INO80E: variants seen among roughly 807,000 people sequenced by gnomAD.
INO80E encodes INO80 complex subunit E.
Under a neutral mutation model 27.3 loss-of-function variants are expected in INO80E, and 20 were observed. The observed-to-expected ratio is 0.73, with a 90% CI of 0.51 to 1.06. The LOEUF (loss-of-function observed/expected upper bound fraction) is 1.06, where lower values mean the gene tolerates loss of function less well. Ranked by LOEUF, INO80E falls within the 50% of genes least tolerant of loss-of-function variation. The pLI is 0.00. For missense variants in INO80E, 357 were observed against 322.8 expected (o/e 1.11, Z -0.81); for synonymous variants, 167 against 145.9 (o/e 1.14, Z -1.04).
In INO80E at chr16:30,000,912, C is replaced by T; in HGVS notation, c.285-17C>T. On this transcript the variant is annotated splice_polypyrimidine_tract_variant and intron_variant, in intron 4 of 6. Coordinates refer to ENST00000563197, the MANE Select transcript of INO80E (RefSeq NM_173618.3). ...GGGCTCCTAGCCACATCTGACCTCGCCCTGTCCTTTCTCCAGGAAGAGAAG... is the reference window on the plus strand; with the variant it reads ...GGGCTCCTAGCCACATCTGACCTCGTCCTGTCCTTTCTCCAGGAAGAGAAG... 1 of 1,607,548 alleles carries T rather than the reference C, an allele frequency of 6.2e-7. No homozygotes were observed. Among genetic ancestry groups the T allele is most frequent in the Non-Finnish European group, 8.5e-7 (1 of 1,174,910 alleles).
chr16:29,996,723 G>A (rs1310561469), intron 2 of INO80E, 85 bp from the exon 3 acceptor site: 1 of 1,592,016 alleles, frequency 6.3e-7, no homozygotes, highest in Non-Finnish European at 8.6e-7. Flanking sequence ...TCAAGTATCC[G>A]ATGGGCCAGC....
rs1168188034 is a variant in INO80E, at chr16:29,996,855, C to T, written c.200C>T (p.Ser67Phe). The change falls in exon 3 of 7, where the codon TCT (serine) becomes TTT (phenylalanine). Residue 67 changes from serine to phenylalanine, a missense_variant. Physicochemically the swap from Ser to Phe is radical, Grantham distance 155 (BLOSUM62 -2). Transcript: ENST00000563197. ...CAGTACGAGAACGTGGATGAAGACT[C>T]TTCGGGTGAGCAAGGTCTTCAAAAA... ...LLQYENVDEDSSDSDATASSD... is the reference protein window; with the variant it reads ...LLQYENVDEDFSDSDATASSD... The T allele has an allele frequency of 6.2e-7, 1 of 1,614,126 alleles. No individual in the cohort carries two copies. The highest frequency in any genetic ancestry group is 8.5e-7 in the Non-Finnish European group (1 of 1,179,956).
At position 30,003,132 on chromosome 16, in the gene INO80E, G is replaced by A. The variant is rs1183209841; in HGVS notation, c.513+1602G>A. 10 of 152,498 alleles carry A rather than the reference G, an allele frequency of 6.6e-5. No homozygotes were observed. The highest frequency in any genetic ancestry group is 6.5e-4 in the Admixed American group (10 of 15,280). The allele number at this position is 152,498 out of a possible 1,614,324, so 9.4% of individuals were successfully genotyped here. On this transcript the variant is annotated intron_variant, in intron 6 of 6. Transcript: ENST00000563197. The surrounding 1 kb of genome is among the most constrained non-coding windows in gnomAD (Gnocchi z 4.4). ...GTGCTGAGTCCTGAAGCAGAGTCATGTCCGGGAGCAAAGTTGTAGACATTC... is the reference window on the plus strand; with the variant it reads ...GTGCTGAGTCCTGAAGCAGAGTCATATCCGGGAGCAAAGTTGTAGACATTC...
chr16:30,005,309 C>CT lies in INO80E; in HGVS notation c.602_603insT (p.Leu203ProfsTer5). On this transcript the variant is annotated frameshift_variant, in exon 7 of 7. Coordinates refer to ENST00000563197, the MANE Select transcript of INO80E (RefSeq NM_173618.3). LOFTEE classifies it high-confidence loss of function. ...GGGGCTGGGGTCGGGACAACCCTGA[C>CT]CCCCCTCCCACCCCCTAAGATGCCC... The CT allele has an allele frequency of 1.9e-6, 1 of 529,328 alleles. No individual in the cohort carries two copies. Among genetic ancestry groups the CT allele is most frequent in the Non-Finnish European group, 2.9e-6 (1 of 339,838 alleles). The allele number at this position is 529,328 out of a possible 1,614,324, so 32.8% of individuals were successfully genotyped here.
chr16:30,005,314 C>CCCCCCCCCCCCCCACCA lies in INO80E; in HGVS notation c.607_608insCCCCCCCCCCCCCACCA (p.Leu203ProfsTer18). 7.7e-7 allele frequency: 1 copy of CCCCCCCCCCCCCCACCA among 1,293,400 alleles called. No homozygotes were observed. The highest frequency in any genetic ancestry group is 1.6e-5 in the South Asian group (1 of 60,816). 80.1% of individuals were successfully genotyped at this position (1,293,400 alleles called of 1,614,324 possible). On this transcript the variant is annotated frameshift_variant, in exon 7 of 7. Transcript: ENST00000563197. LOFTEE classifies it high-confidence loss of function. The stretch of plus-strand genomic sequence containing the variant: ...TGGGGTCGGGACAACCCTGACCCCC[C>CCCCCCCCCCCCCCACCA]TCCCACCCCCTAAGATGCCCCCCCC...
Position 30,005,295 on chromosome 16 carries a change from C to T in INO80E, c.588C>T (p.Val196=), listed in dbSNP as rs759357817. ...CTGGCCGGGGTTCTGGGGCTGGGGT[C>T]GGGACAACCCTGACCCCCCTCCCAC... ...TFPGRGSGAG[V]GTTLTPLPPP... Residue 196 remains valine (V), a synonymous_variant, in exon 7 of 7, where the codon GTC becomes GTT. Transcript: ENST00000563197. 58 of 1,486,612 alleles carry T rather than the reference C, an allele frequency of 3.9e-5. No homozygotes were observed. The highest frequency in any genetic ancestry group is 1.0e-4 in the African/African-American group (7 of 68,936). 92.1% of individuals were successfully genotyped at this position (1,486,612 alleles called of 1,614,324 possible). A position where few individuals can be genotyped will look rare whatever the true frequency, so the allele number is the denominator to read the frequency against.
intron 6 of INO80E, chr16:30,001,774 T>A: frequency 2.1e-6 from 1 of 477,296 alleles, no homozygotes; most frequent in Non-Finnish European, 3.7e-6. Flanking sequence ...CTTTCATGGC[T>A]GCAGTGTAGC....
At chr16:30,002,633 CTG>C (rs1426967501) in intron 6 of INO80E, 1 of 152,296 alleles carries the variant, frequency 6.6e-6, no homozygotes, top group Non-Finnish European at 1.5e-5. Context: ...GGGCTTTAGT[CTG>C]AGCACGAGTG....
Position 30,001,422 on chromosome 16 carries a change from C to A in INO80E, c.405C>A (p.Ser135=), listed in dbSNP as rs114622257. 2.1e-4 allele frequency: 340 copies of A among 1,599,470 alleles called. 1 individual carries two copies. In the African/African-American group the frequency reaches 4.3e-3, roughly 20 times the overall value. Residue 135 remains serine, a synonymous_variant, in exon 6 of 7, where the codon TCC becomes TCA. Transcript: ENST00000563197. ...VPSPYLSSLA[S]SRYPPFPSDY... is the part of the protein sequence containing the mutation. ...CCCGCTCCCGCCCGCAGCTGGCCTC[C>A]TCCCGCTACCCCCCATTCCCTTCTG... is the stretch of plus-strand genomic sequence containing the variant.
At chr16:29,996,427 G>T (rs1466216414) in intron 1 of INO80E, 36 bp downstream of exon 1, 1 of 1,562,526 alleles carries the variant, frequency 6.4e-7, no homozygotes, top group Non-Finnish European at 8.7e-7. Context: ...GGGGGATGAG[G>T]CCTGGCGCGG....
chr16:29,997,902 A>T (rs1456654307), intron 3 of INO80E, among the ~76,000 whole-genome samples: 2 of 152,064 alleles, frequency 1.3e-5, no homozygotes, highest in African/African-American at 4.8e-5. Context: ...CCTGGGCAAC[A>T]TAGTGAGACC....
At chr16:29,999,604 T>G (rs1333951312) in intron 3 of INO80E, 1 of 152,238 alleles carries the variant, frequency 6.6e-6, no homozygotes, top group African/African-American at 2.4e-5. Context: ...ACGGCTTCTA[T>G]AGGTGTAGCA....
chr16:29,999,660 A>G (rs549914092), intron 3 of INO80E: 2 of 152,372 alleles, frequency 1.3e-5, no homozygotes, highest in Non-Finnish European at 2.9e-5. Context: ...GAGGCACTGA[A>G]CTAGGAAATA....
At position 30,000,751 on chromosome 16, in the gene INO80E, A is replaced by G. The variant is rs1319774169; in HGVS notation, c.206-7A>G. 3 of 1,613,732 alleles carry G rather than the reference A, an allele frequency of 1.9e-6. No individual in the cohort carries two copies. Among genetic ancestry groups the G allele is most frequent in the Non-Finnish European group, 2.5e-6 (3 of 1,179,640 alleles). The stretch of plus-strand genomic sequence containing the variant: ...CCATCCCCACTGACCAGCTGTCCCC[A>G]TCACAGACTCAGATGCCACTGCATC... On this transcript the variant is annotated splice_region_variant and splice_polypyrimidine_tract_variant and intron_variant, in intron 3 of 6. Coordinates refer to ENST00000563197, the MANE Select transcript of INO80E (RefSeq NM_173618.3).
intron 3 of INO80E, among the ~76,000 whole-genome samples, chr16:29,997,720 A>T (rs574787884): frequency 6.6e-6 from 1 of 150,602 alleles, no homozygotes; most frequent in Non-Finnish European, 1.5e-5. Context: ...CTGCCACTGC[A>T]TTCCAGCCTG....
rs1209834703 is a variant in INO80E, at chr16:29,996,247, G to T, written c.-64G>T. On this transcript the variant is annotated 5_prime_UTR_variant, in exon 1 of 7. Coordinates refer to ENST00000563197, the MANE Select transcript of INO80E (RefSeq NM_173618.3). ...CGTCTCCGGAAGTGGAGGCGGGAGC[G>T]GCACGGCAGCCACTGCTTGGGGTAG... 3.4e-6 allele frequency: 5 copies of T among 1,471,392 alleles called. No homozygotes were observed. Among genetic ancestry groups the T allele is most frequent in the Non-Finnish European group, 4.6e-6 (5 of 1,076,282 alleles). 91.1% of individuals were successfully genotyped at this position (1,471,392 alleles called of 1,614,324 possible).
At position 30,005,499 on chromosome 16, in the gene INO80E, A is replaced by C. The variant is rs143249661; in HGVS notation, c.*57A>C. On this transcript the variant is annotated 3_prime_UTR_variant, in exon 7 of 7. Transcript: ENST00000563197. The stretch of plus-strand genomic sequence containing the variant: ...CGCCCGGCGCCCTCCCCGTGCCAGC[A>C]CACACGAGTCCAGCTTCCTCGGAGG... The C allele has an allele frequency of 0.018, 26,237 of 1,480,468 alleles. 275 individuals are homozygous for C. The highest frequency in any genetic ancestry group is 0.021 in the Non-Finnish European group (23,005 of 1,084,710). The allele number at this position is 1,480,468 out of a possible 1,614,324, so 91.7% of individuals were successfully genotyped here.
chr16:30,000,716 T>C lies in INO80E; in HGVS notation c.206-42T>C, dbSNP rs762451439. 3.3e-6 allele frequency: 5 copies of C among 1,528,632 alleles called. No homozygotes were observed. In the Admixed American group the frequency reaches 8.4e-5, roughly 26 times the overall value. The allele number at this position is 1,528,632 out of a possible 1,614,324, so 94.7% of individuals were successfully genotyped here. ...GAGGTTATACCTTTCTGGGATGGAC[T>C]GGGATCCCCCCATCCCCACTGACCA... On this transcript the variant is annotated intron_variant, in intron 3 of 6. Coordinates refer to ENST00000563197, the MANE Select transcript of INO80E (RefSeq NM_173618.3).
intron 6 of INO80E, chr16:30,002,187 A>C (rs2070379499): frequency 6.6e-6 from 1 of 152,402 alleles, no homozygotes; most frequent in Non-Finnish European, 1.5e-5. Flanking sequence ...GATGTTCTTG[A>C]TCAGAGACTT....
Sources: allele counts gnomAD v4.1 joint callset (sites outside exome capture counted in the v4.1 genomes callset), GRCh38; gene constraint gnomAD v4.1.1; non-coding constraint Gnocchi (gnomAD v3.1); transcripts MANE v1.5; gene names NCBI Gene and HGNC (gene_info 2026-07-23, HGNC 2026-07-21).